GKAP1: variants seen among roughly 807,000 people sequenced by gnomAD.
The protein encoded by GKAP1 is G kinase-anchoring protein 1.
Under a neutral mutation model 56.7 loss-of-function variants are expected in GKAP1, and 31 were observed. The ratio of observed to expected loss-of-function variants is 0.55; its 90% CI spans 0.41 to 0.74. The LOEUF is 0.74. Ranked by LOEUF, GKAP1 falls within the 30% of genes least tolerant of loss-of-function variation. The pLI is 0.00. For missense variants in GKAP1, 364 were observed against 402.3 expected (o/e 0.90, Z 0.82); for synonymous variants, 151 against 138.6 (o/e 1.09, Z -0.63).
intron 2 of GKAP1, among the ~76,000 whole-genome samples, chr9:83,814,814 G>A (rs545500571): frequency 6.6e-6 from 1 of 152,364 alleles, no homozygotes; most frequent in African/African-American, 2.4e-5. Flanking sequence ...ATTACGGTAA[G>A]TACTATTCTA....
chr9:83,805,103 T>A (rs1050081992), intron 3 of GKAP1, among the ~76,000 whole-genome samples: 6 of 152,144 alleles, frequency 3.9e-5, no homozygotes, highest in Non-Finnish European at 7.4e-5. Context: ...CATGGGAGAC[T>A]TTTCATTTTG....
At position 83,778,570 on chromosome 9, in the gene GKAP1, G is replaced by A. The variant is rs906633645; in HGVS notation, c.585+1812C>T. Among the ~76,000 whole-genome samples the A allele has an allele frequency of 2.0e-5, 3 of 152,010 alleles. No homozygotes were observed. The East Asian group carries it at 5.8e-4, about 29-fold the overall frequency. ...GGGTGAAGGGTGGGAGGAGGGAGAG[G>A]ATCAAGAAAAATAACTAATGGGTAC... On this transcript the variant is annotated intron_variant, in intron 7 of 12. Coordinates refer to ENST00000376371, the MANE Select transcript of GKAP1 (RefSeq NM_025211.4).
chr9:83,804,250 G>A (rs1944388222), intron 3 of GKAP1, among the ~76,000 whole-genome samples: 1 of 148,978 alleles, frequency 6.7e-6, no homozygotes, highest in Admixed American at 6.6e-5. Flanking sequence ...GAGGGAGGTG[G>A]GGGGCTCAGC....
chr9:83,742,451 G>A, intron 11 of GKAP1, 79 bp downstream of exon 11: 1 of 841,226 alleles, frequency 1.2e-6, no homozygotes, highest in Non-Finnish European at 2.0e-6. Context: ...GTGTTGATGA[G>A]CTGTATTTGT....
chr9:83,806,293 T>A lies in GKAP1; in HGVS notation c.216+9A>T. Reference sequence around the variant, plus strand: ...CTGGGAAAGCAGACAACACAGATAATTGTGTTACCTCATTTGCTTCACTCT... The same window carrying A: ...CTGGGAAAGCAGACAACACAGATAAATGTGTTACCTCATTTGCTTCACTCT... On this transcript the variant is annotated intron_variant, in intron 3 of 12. Transcript: ENST00000376371. 6.7e-7 allele frequency: 1 copy of A among 1,498,280 alleles called. No homozygotes were observed. Among genetic ancestry groups the A allele is most frequent in the East Asian group, 2.5e-5 (1 of 40,672 alleles). 92.8% of individuals were successfully genotyped at this position (1,498,280 alleles called of 1,614,324 possible). A position where few individuals can be genotyped will look rare whatever the true frequency, so the allele number is the denominator to read the frequency against.
At chr9:83,793,950 T>C (rs1463349727) in intron 4 of GKAP1, among the ~76,000 whole-genome samples, 3 of 152,154 alleles carry the variant, frequency 2.0e-5, no homozygotes, top group Non-Finnish European at 4.4e-5. Flanking sequence ...GTGGACTGCT[T>C]GAGACCAGGA....
chr9:83,766,467 C>T (rs1943665429), intron 8 of GKAP1, among the ~76,000 whole-genome samples: 1 of 152,196 alleles, frequency 6.6e-6, no homozygotes, highest in South Asian at 2.1e-4. Context: ...AAGGATTCCC[C>T]ACTACTGAGT....
intron 9 of GKAP1, among the ~76,000 whole-genome samples, chr9:83,752,010 T>C (rs1943398269): frequency 6.6e-6 from 1 of 152,152 alleles, no homozygotes; most frequent in African/African-American, 2.4e-5. Flanking sequence ...CTCAGATACT[T>C]ATGCACCAGT....
At chr9:83,743,158 G>C (rs1044270758) in intron 10 of GKAP1, among the ~76,000 whole-genome samples, 7 of 150,678 alleles carry the variant, frequency 4.6e-5, no homozygotes, top group African/African-American at 1.7e-4. Flanking sequence ...GAGAGACTCT[G>C]TCAATAAAAA....
At chr9:83,788,866 C>A (rs2131298982) in intron 4 of GKAP1, 188 bp from the exon 5 acceptor site, 1 of 383,342 alleles carries the variant, frequency 2.6e-6, no homozygotes, top group East Asian at 3.8e-5. Flanking sequence ...AAAATACAAA[C>A]TTCCAATTTT....
At chr9:83,797,619 T>G (rs986615706) in intron 4 of GKAP1, among the ~76,000 whole-genome samples, 3 of 152,178 alleles carry the variant, frequency 2.0e-5, no homozygotes, top group African/African-American at 7.2e-5. Flanking sequence ...CAGAAATTCG[T>G]CAAAGTTCCT....
At chr9:83,756,307 C>T (rs746233289) in intron 8 of GKAP1, among the ~76,000 whole-genome samples, 9 of 151,326 alleles carry the variant, frequency 5.9e-5, no homozygotes, top group Admixed American at 2.0e-4. Context: ...TGATTCTCTA[C>T]TAAAAATACA....
In GKAP1 at chr9:83,742,557, T is replaced by C. The variant is rs928959765; in HGVS notation, c.948A>G (p.Gln316=). ...GAATAGTGAGCTCATTCTTGATACTTTGTGATTCATCAACTTGCAGAAGTA... is the reference window on the plus strand; with the variant it reads ...GAATAGTGAGCTCATTCTTGATACTCTGTGATTCATCAACTTGCAGAAGTA... ...AEILLQVDES[Q]SIKNELTIQV... The change falls in exon 11 of 13, where the codon CAA becomes CAG. Residue 316 remains glutamine, a synonymous_variant. Transcript: ENST00000376371. 1 of 1,612,684 alleles carries C rather than the reference T, an allele frequency of 6.2e-7. No individual in the cohort carries two copies. Among genetic ancestry groups the C allele is most frequent in the Admixed American group, 1.7e-5 (1 of 59,952 alleles).
chr9:83,784,495 G>A (rs1444491929), intron 6 of GKAP1, among the ~76,000 whole-genome samples: 1 of 152,114 alleles, frequency 6.6e-6, no homozygotes, highest in East Asian at 1.9e-4. Context: ...TTCCAGAACT[G>A]TGAGCCAATA....
intron 8 of GKAP1, among the ~76,000 whole-genome samples, chr9:83,757,689 C>T (rs1050204393): frequency 6.6e-6 from 1 of 151,830 alleles, no homozygotes; most frequent in Non-Finnish European, 1.5e-5. Context: ...GCATTAAAGG[C>T]AAGAAGCAGA....
intron 7 of GKAP1, 48 bp from the exon 8 acceptor site, chr9:83,769,018 T>A (rs771317948): frequency 2.1e-6 from 3 of 1,455,596 alleles, no homozygotes; most frequent in African/African-American, 1.4e-5. Context: ...TGCACTGATA[T>A]GCATTTAATA....
At chr9:83,768,793 T>G in intron 8 of GKAP1, 25 bp downstream of exon 8, 2 of 1,588,412 alleles carry the variant, frequency 1.3e-6, no homozygotes, top group Non-Finnish European at 1.7e-6. Flanking sequence ...ACTGTGATTT[T>G]AAGAGAATTT....
At chr9:83,768,610 AAT>A (rs907226298) in intron 8 of GKAP1, among the ~76,000 whole-genome samples, 5 of 152,208 alleles carry the variant, frequency 3.3e-5, no homozygotes, top group Non-Finnish European at 7.3e-5. Context: ...ATGCTCAGCA[AAT>A]AGTCATCAAT....
chr9:83,809,716 A>G (rs1239855217), intron 2 of GKAP1, among the ~76,000 whole-genome samples: 1 of 152,240 alleles, frequency 6.6e-6, no homozygotes, highest in East Asian at 1.9e-4. Flanking sequence ...TGCTCAAACA[A>G]TGCATATGCT....
Sources: gnomAD v4.1 joint callset for allele counts (sites outside exome capture counted in the v4.1 genomes callset) on GRCh38, gnomAD v4.1.1 for gene constraint, MANE v1.5 for transcripts, NCBI Gene and HGNC (gene_info 2026-07-23, HGNC 2026-07-21) for gene names.